Variants in SV2C observed in about 807,000 individuals in gnomAD.
SV2C encodes synaptic vesicle glycoprotein 2C.
Under a neutral mutation model 79.7 loss-of-function variants are expected in SV2C, and 49 were observed. The ratio of observed to expected loss-of-function variants is 0.61; its 90% CI spans 0.49 to 0.78. SV2C has a LOEUF of 0.78. SV2C is among the 30% of genes least tolerant of loss of function. The probability of loss-of-function intolerance (pLI) is 0.00; values close to 1 mark genes in which losing one functional copy is unlikely to be tolerated. For missense variants in SV2C, 833 were observed against 912.9 expected (o/e 0.91, Z 1.13); for synonymous variants, 334 against 333.2 (o/e 1.00, Z -0.03).
intron 4 of SV2C, among the ~76,000 whole-genome samples, chr5:76,229,228 G>A (rs997305803): frequency 1.3e-5 from 2 of 152,196 alleles, no homozygotes; most frequent in Non-Finnish European, 2.9e-5. Context: ...GGTGCGGGAC[G>A]GCCATGTGGC....
At chr5:76,023,196 G>A in the SV2C span, among the ~76,000 whole-genome samples, 33 of 152,268 alleles carry the variant, frequency 2.2e-4, no homozygotes, top group African/African-American at 7.9e-4. Flanking sequence ...TTGTTCAGCT[G>A]AGTCTGTCAG....
intron 6 of SV2C, among the ~76,000 whole-genome samples, chr5:76,286,347 G>A (rs1269163812): frequency 4.6e-5 from 7 of 151,936 alleles, no homozygotes; most frequent in East Asian, 1.9e-4. Flanking sequence ...TCCTCCACTC[G>A]GCCAGGTCAT....
chr5:76,171,621 A>G (rs1209596166), intron 2 of SV2C, among the ~76,000 whole-genome samples: 5 of 135,276 alleles, frequency 3.7e-5, no homozygotes, highest in East Asian at 2.4e-4. Context: ...GGGGGGGGTC[A>G]GCCCCCCGCC....
chr5:75,981,638 T>C, the SV2C span, among the ~76,000 whole-genome samples: 8 of 152,114 alleles, frequency 5.3e-5, no homozygotes, highest in Non-Finnish European at 4.4e-5. Context: ...ATTTGACAAA[T>C]GGTGCTGGGA....
At chr5:76,300,656 C>T in intron 10 of SV2C, 73 bp from the exon 11 acceptor site, 1 of 1,492,928 alleles carries the variant, frequency 6.7e-7, no homozygotes, top group South Asian at 1.2e-5. Flanking sequence ...TCTCCGAATC[C>T]TCCATAGGCT....
At chr5:75,903,864 G>T in the SV2C span, among the ~76,000 whole-genome samples, 312 of 152,204 alleles carry the variant, frequency 2.0e-3, 1 homozygote, top group African/African-American at 7.3e-3. Context: ...TTATTCTCAT[G>T]GCAGAATTAT....
intron 4 of SV2C, among the ~76,000 whole-genome samples, chr5:76,277,223 A>G (rs1747049513): frequency 6.6e-6 from 1 of 152,230 alleles, no homozygotes; most frequent in Non-Finnish European, 1.5e-5. Flanking sequence ...TGAGCTTATT[A>G]TGTGACTCGA....
intron 12 of SV2C, among the ~76,000 whole-genome samples, chr5:76,322,847 A>G (rs917524708): frequency 6.6e-6 from 1 of 152,356 alleles, no homozygotes; most frequent in Middle Eastern, 3.4e-3. Context: ...CAGAAAACTG[A>G]AACTGGACCC....
chr5:76,139,613 G>C (rs1749185460), intron 2 of SV2C, among the ~76,000 whole-genome samples: 1 of 152,124 alleles, frequency 6.6e-6, no homozygotes, highest in South Asian at 2.1e-4. Context: ...TAAGACTGAG[G>C]TCCAAACCAG....
At chr5:76,051,841 G>A in the SV2C span, among the ~76,000 whole-genome samples, 1 of 151,726 alleles carries the variant, frequency 6.6e-6, no homozygotes, top group Admixed American at 6.6e-5. Flanking sequence ...TCTCTAATAA[G>A]GATATTTACT....
chr5:75,878,249 G>A, the SV2C span, among the ~76,000 whole-genome samples: 3 of 152,130 alleles, frequency 2.0e-5, no homozygotes, highest in Non-Finnish European at 4.4e-5. Flanking sequence ...TATGTGCCAA[G>A]CATCATATTT....
At chr5:75,849,012 C>T in the SV2C span, among the ~76,000 whole-genome samples, 1 of 152,216 alleles carries the variant, frequency 6.6e-6, no homozygotes, top group African/African-American at 2.4e-5. Flanking sequence ...TGTATCATAT[C>T]CTTGACCTCC....
chr5:75,910,265 C>G, the SV2C span: 1 of 475,666 alleles, frequency 2.1e-6, no homozygotes, highest in South Asian at 1.6e-5. Flanking sequence ...CTCATCTCTA[C>G]AAAAAATAAA....
At chr5:76,204,136 G>C (rs1744537062) in intron 3 of SV2C, among the ~76,000 whole-genome samples, 1 of 152,180 alleles carries the variant, frequency 6.6e-6, no homozygotes, top group African/African-American at 2.4e-5. Context: ...GAGACTGAAA[G>C]GTTCATCTTT....
chr5:76,297,225 C>T (rs946928344), intron 9 of SV2C, among the ~76,000 whole-genome samples: 10 of 151,980 alleles, frequency 6.6e-5, no homozygotes, highest in South Asian at 6.2e-4. Flanking sequence ...ATACCATTAA[C>T]GAAATTTTTT....
chr5:76,004,079 A>T, the SV2C span, among the ~76,000 whole-genome samples: 3 of 152,070 alleles, frequency 2.0e-5, no homozygotes, highest in Non-Finnish European at 2.9e-5. Flanking sequence ...TAAAGCTCAG[A>T]CTCAGGGACT....
chr5:76,347,566 T>C (rs868591858), intron 12 of SV2C, among the ~76,000 whole-genome samples: 1 of 152,118 alleles, frequency 6.6e-6, no homozygotes. Context: ...TGCCTCAGCC[T>C]CCCGAGCTGG....
intron 2 of SV2C, among the ~76,000 whole-genome samples, chr5:76,168,636 G>A (rs1280449200): frequency 6.6e-6 from 1 of 152,110 alleles, no homozygotes; most frequent in Non-Finnish European, 1.5e-5. Flanking sequence ...TTGCTTTCAC[G>A]ATAGCCTGGA....
intron 2 of SV2C, among the ~76,000 whole-genome samples, chr5:76,184,858 A>G (rs893365654): frequency 2.6e-5 from 4 of 152,166 alleles, no homozygotes; most frequent in Admixed American, 2.6e-4. Flanking sequence ...TCAAAACACA[A>G]TCATGCCCTT....
Sources: gnomAD v4.1 joint callset for allele counts (sites outside exome capture counted in the v4.1 genomes callset) on GRCh38, gnomAD v4.1.1 for gene constraint, MANE v1.5 for transcripts, NCBI Gene and HGNC (gene_info 2026-07-23, HGNC 2026-07-21) for gene names.